The following PLPP1 variants were observed in gnomAD, a reference collection of about 807,000 sequenced individuals.
PLPP1 encodes the protein lipid phosphate phosphohydrolase 1a.
A neutral mutation model predicts 31.2 loss-of-function variants in PLPP1; 24 were observed. That is an observed-to-expected ratio of 0.77 (90% CI 0.56 to 1.08). PLPP1 has a LOEUF of 1.08. PLPP1 is among the 50% of genes least tolerant of loss of function. PLPP1 has a pLI of 0.00. For missense variants in PLPP1, 319 were observed against 342.7 expected (o/e 0.93, Z 0.55); for synonymous variants, 146 against 126.3 (o/e 1.16, Z -1.05).
intron 1 of PLPP1, among the ~76,000 whole-genome samples, chr5:55,516,212 T>C (rs1753552127): frequency 6.6e-6 from 1 of 152,138 alleles, no homozygotes; most frequent in Non-Finnish European, 1.5e-5. Flanking sequence ...TTTTCTCCAT[T>C]TCTACCACCA....
At chr5:55,472,584 AG>A (rs1479447696) in intron 2 of PLPP1, among the ~76,000 whole-genome samples, 1 of 151,968 alleles carries the variant, frequency 6.6e-6, no homozygotes, top group African/African-American at 2.4e-5. Context: ...TGGGCAACAC[AG>A]GGAGACTGTG....
At chr5:55,441,792 T>G in intron 4 of PLPP1, 59 bp downstream of exon 4, 1 of 1,533,998 alleles carries the variant, frequency 6.5e-7, no homozygotes, top group South Asian at 1.1e-5. Context: ...ACACTGATGC[T>G]GAGCACATTA....
chr5:55,460,524 A>G (rs1445116516), intron 3 of PLPP1, among the ~76,000 whole-genome samples: 1 of 152,236 alleles, frequency 6.6e-6, no homozygotes. Flanking sequence ...ATACAAAGAT[A>G]GTATAATGAC....
chr5:55,443,799 G>C (rs994398141), intron 3 of PLPP1, among the ~76,000 whole-genome samples: 5 of 152,170 alleles, frequency 3.3e-5, no homozygotes, highest in Non-Finnish European at 5.9e-5. Context: ...TTGACAGACA[G>C]GGATTAAAAA....
intron 2 of PLPP1, among the ~76,000 whole-genome samples, chr5:55,468,855 CTGTGTA>C (rs1249914921): frequency 6.6e-6 from 1 of 152,054 alleles, no homozygotes; most frequent in East Asian, 1.9e-4. Context: ...TCAGAAACTC[CTGTGTA>C]TAAGTACTTT....
intron 3 of PLPP1, among the ~76,000 whole-genome samples, chr5:55,448,966 G>T (rs529986036): frequency 6.6e-6 from 1 of 152,262 alleles, no homozygotes; most frequent in Admixed American, 6.5e-5. Flanking sequence ...GTAAATAGTT[G>T]TCCTACTGTA....
chr5:55,521,013 A>C (rs1020165888), intron 1 of PLPP1, among the ~76,000 whole-genome samples: 4 of 151,942 alleles, frequency 2.6e-5, no homozygotes, highest in Non-Finnish European at 5.9e-5. Context: ...GGAGTTCCAG[A>C]CCAACCTGGG....
At chr5:55,448,334 G>A (rs1390418725) in intron 3 of PLPP1, among the ~76,000 whole-genome samples, 2 of 151,904 alleles carry the variant, frequency 1.3e-5, no homozygotes, top group Non-Finnish European at 2.9e-5. Context: ...AATCAACATA[G>A]GAAAAATGTA....
At chr5:55,518,404 G>A (rs1337814562) in intron 1 of PLPP1, among the ~76,000 whole-genome samples, 1 of 151,190 alleles carries the variant, frequency 6.6e-6, no homozygotes, top group African/African-American at 2.4e-5. Context: ...CACCCAGCTG[G>A]GGCCTCAGCC....
intron 1 of PLPP1, chr5:55,530,783 C>A: frequency 6.5e-7 from 1 of 1,528,472 alleles, no homozygotes; most frequent in Non-Finnish European, 9.1e-7. Context: ...CTACAGAAAA[C>A]GTGCTGACAG....
intron 2 of PLPP1, among the ~76,000 whole-genome samples, chr5:55,469,139 A>G (rs1341871580): frequency 6.6e-6 from 1 of 152,188 alleles, no homozygotes; most frequent in Non-Finnish European, 1.5e-5. Context: ...AACATTATAA[A>G]TAGTAACATT....
chr5:55,452,653 CCT>C (rs757171425), intron 3 of PLPP1, among the ~76,000 whole-genome samples: 13 of 152,074 alleles, frequency 8.5e-5, no homozygotes, highest in East Asian at 1.9e-4. Flanking sequence ...CAATTCAGCC[CCT>C]GTTTCCTCCA....
At chr5:55,466,660 G>C (rs1309955519) in intron 3 of PLPP1, among the ~76,000 whole-genome samples, 1 of 151,648 alleles carries the variant, frequency 6.6e-6, no homozygotes, top group African/African-American at 2.4e-5. Flanking sequence ...CCAAGATCAT[G>C]CCACTGCACT....
At chr5:55,517,245 G>C (rs1267389967) in intron 1 of PLPP1, among the ~76,000 whole-genome samples, 1 of 152,112 alleles carries the variant, frequency 6.6e-6, no homozygotes, top group Non-Finnish European at 1.5e-5. Flanking sequence ...CTAGAGTATA[G>C]TGGTGCAATC....
chr5:55,510,893 A>C lies in PLPP1; in HGVS notation c.58+23679T>G, dbSNP rs147448217. On this transcript the variant is annotated intron_variant, in intron 1 of 5. Coordinates refer to ENST00000307259, the MANE Select transcript of PLPP1 (RefSeq NM_003711.4). ...TACCTCCCAGAACTGCTGCAAACTAAGAGCCTAGTAATGTGCCTAACTTAG... is the reference window on the plus strand; with the variant it reads ...TACCTCCCAGAACTGCTGCAAACTACGAGCCTAGTAATGTGCCTAACTTAG... Among the ~76,000 whole-genome samples the C allele has an allele frequency of 2.6e-5, 4 of 152,350 alleles. No homozygotes were observed. The East Asian group carries it at 7.7e-4, about 29-fold the overall frequency.
At chr5:55,498,503 C>T (rs1279658978) in intron 1 of PLPP1, among the ~76,000 whole-genome samples, 1 of 152,036 alleles carries the variant, frequency 6.6e-6, no homozygotes, top group African/African-American at 2.4e-5. Context: ...TAATTACCAC[C>T]TAATAACATG....
chr5:55,425,219 T>C lies in PLPP1; in HGVS notation c.842A>G (p.Asn281Ser). Residue 281 changes from asparagine (N) to serine (S), a missense_variant, in exon 6 of 6, where the codon AAT becomes AGT. Coordinates refer to ENST00000307259, the MANE Select transcript of PLPP1 (RefSeq NM_003711.4). ...TPTTGNHYPS[N>S]HQP is the part of the protein sequence containing the mutation. ...CCCTGCTGCCTTTCAAGGCTGGTGA[T>C]TGCTCGGATAGTGATTCCCAGTTGT... 1 of 1,613,534 alleles carries C rather than the reference T, an allele frequency of 6.2e-7. No homozygotes were observed. The highest frequency in any genetic ancestry group is 8.5e-7 in the Non-Finnish European group (1 of 1,179,850).
At chr5:55,468,574 G>A (rs1270404240) in intron 2 of PLPP1, among the ~76,000 whole-genome samples, 2 of 152,128 alleles carry the variant, frequency 1.3e-5, no homozygotes, top group East Asian at 3.9e-4. Context: ...GCCCGAGGGA[G>A]GTGGATCACC....
At chr5:55,457,492 C>G (rs1486611838) in intron 3 of PLPP1, among the ~76,000 whole-genome samples, 2 of 152,062 alleles carry the variant, frequency 1.3e-5, no homozygotes, top group East Asian at 3.9e-4. Context: ...CACATTTTGT[C>G]AAAATGGCTT....
Sources: gnomAD v4.1 joint callset for allele counts (sites outside exome capture counted in the v4.1 genomes callset) on GRCh38, gnomAD v4.1.1 for gene constraint, MANE v1.5 for transcripts, NCBI Gene and HGNC (gene_info 2026-07-23, HGNC 2026-07-21) for gene names.